The following OPCML variants were observed in gnomAD, a reference collection of about 807,000 sequenced individuals.
OPCML encodes the protein opioid-binding protein/cell adhesion molecule.
A neutral mutation model predicts 37.8 loss-of-function variants in OPCML; 13 were observed. That is an observed-to-expected ratio of 0.34 (90% CI 0.22 to 0.55). The LOEUF (loss-of-function observed/expected upper bound fraction) is 0.55, where lower values mean the gene tolerates loss of function less well. OPCML is among the 20% of genes least tolerant of loss of function. The pLI, the probability that OPCML is intolerant of heterozygous loss-of-function variation, is 0.91. For synonymous variants in OPCML, 176 were observed against 168.8 expected (o/e 1.04, Z -0.33); for missense variants, 341 against 435.6 (o/e 0.78, Z 1.93).
intron 1 of OPCML, among the ~76,000 whole-genome samples, chr11:133,033,132 C>G (rs1473977625): frequency 6.6e-6 from 1 of 152,134 alleles, no homozygotes; most frequent in East Asian, 1.9e-4. Flanking sequence ...GCTCTTTCAT[C>G]TTTTAAATTC....
At chr11:133,182,017 C>T (rs1050408350) in intron 1 of OPCML, among the ~76,000 whole-genome samples, 4 of 151,570 alleles carry the variant, frequency 2.6e-5, no homozygotes, top group Non-Finnish European at 5.9e-5. Context: ...GTCCCAAATA[C>T]ATGCTCCTTG....
chr11:133,141,107 C>CGA (rs1565469430), intron 1 of OPCML, among the ~76,000 whole-genome samples: 29 of 16,816 alleles, frequency 1.7e-3, no homozygotes, highest in Admixed American at 4.5e-3. Flanking sequence ...GAAGAAGAAG[C>CGA]AGCTGAATGC....
chr11:133,096,576 A>G (rs747386688), intron 1 of OPCML, among the ~76,000 whole-genome samples: 1 of 152,084 alleles, frequency 6.6e-6, no homozygotes, highest in Non-Finnish European at 1.5e-5. Context: ...AACATCGATT[A>G]AAACAGAGAT....
At chr11:132,990,755 T>C (rs568737190) in intron 1 of OPCML, among the ~76,000 whole-genome samples, 1 of 152,332 alleles carries the variant, frequency 6.6e-6, no homozygotes, top group Admixed American at 6.5e-5. Flanking sequence ...TTTAGTTGTG[T>C]GACCTAGAGC....
intron 1 of OPCML, among the ~76,000 whole-genome samples, chr11:133,437,674 G>T (rs137995184): frequency 0.028 from 2,215 of 78,944 alleles, 73 homozygotes; most frequent in Non-Finnish European, 0.035. Flanking sequence ...TCTCAACCCC[G>T]CTCACCTCTC....
chr11:133,008,199 C>T (rs1947148926), intron 1 of OPCML: 1 of 985,278 alleles, frequency 1.0e-6, no homozygotes, highest in African/African-American at 1.7e-5. Flanking sequence ...CCATTGGCTA[C>T]AGAATTAAGC....
chr11:133,164,644 G>A (rs1950185484), intron 1 of OPCML, among the ~76,000 whole-genome samples: 1 of 152,208 alleles, frequency 6.6e-6, no homozygotes, highest in African/African-American at 2.4e-5. Flanking sequence ...CAGAGCCCAG[G>A]AGCTGGTATG....
chr11:132,919,032 A>G (rs1325143313), intron 2 of OPCML, among the ~76,000 whole-genome samples: 1 of 152,226 alleles, frequency 6.6e-6, no homozygotes, highest in Non-Finnish European at 1.5e-5. Flanking sequence ...GGCAAGATTC[A>G]GTACATTCAC....
At chr11:133,026,188 G>T (rs1170749451) in intron 1 of OPCML, 17 of 735,944 alleles carry the variant, frequency 2.3e-5, no homozygotes, top group Non-Finnish European at 2.5e-5. Context: ...TCACGATGAA[G>T]CTTTGTAATC....
intron 1 of OPCML, among the ~76,000 whole-genome samples, chr11:132,950,051 C>T (rs1457316791): frequency 5.9e-5 from 9 of 152,148 alleles, no homozygotes; most frequent in Non-Finnish European, 5.9e-5. Flanking sequence ...AGAGGTAGCC[C>T]GCTAGCCCCA....
chr11:132,735,495 T>TG (rs1353044081), intron 2 of OPCML, among the ~76,000 whole-genome samples: 59 of 152,234 alleles, frequency 3.9e-4, no homozygotes, highest in African/African-American at 1.3e-3. Flanking sequence ...TTGTTGTTGT[T>TG]TTTTTTCTTG....
intron 2 of OPCML, among the ~76,000 whole-genome samples, chr11:132,878,083 G>A (rs574708974): frequency 5.9e-5 from 9 of 152,148 alleles, no homozygotes; most frequent in South Asian, 4.2e-4. Flanking sequence ...TCAGGAGGCC[G>A]AGGTAGGAGA....
In OPCML at chr11:132,924,952, T is replaced by C. The variant is rs541326864; in HGVS notation, c.146+17974A>G. Among the ~76,000 whole-genome samples the C allele has an allele frequency of 1.1e-3, 167 of 152,358 alleles. 2 individuals carry two copies. The highest frequency in any genetic ancestry group is 1.8e-3 in the Non-Finnish European group (122 of 68,028). ...CCCACAGTTCTTAGATTTTCTGTTC[T>C]GTTTTCTTAAGTCTTTCTCTTTGCT... On this transcript the variant is annotated intron_variant, in intron 2 of 7. Transcript: ENST00000524381.
At chr11:133,327,836 G>C in intron 1 of OPCML, among the ~76,000 whole-genome samples, 1 of 152,152 alleles carries the variant, frequency 6.6e-6, no homozygotes, top group Non-Finnish European at 1.5e-5. Flanking sequence ...GTAAAGGGGA[G>C]TCCACCTAAG....
At chr11:133,116,734 T>G (rs1949339194) in intron 1 of OPCML, among the ~76,000 whole-genome samples, 1 of 151,858 alleles carries the variant, frequency 6.6e-6, no homozygotes, top group South Asian at 2.1e-4. Context: ...AAGTTTCTAG[T>G]ATACCAAGTT....
In OPCML at chr11:133,194,197, T is replaced by A. The variant is rs781217369; in HGVS notation, c.62-251187A>T. On this transcript the variant is annotated intron_variant, in intron 1 of 7. Coordinates refer to ENST00000524381, the MANE Select transcript of OPCML (RefSeq NM_001012393.5). ...TCCTTCCCTTCCCTTCCCTTTCCCC[T>A]TCCCCCACTTTTTTTTTTTTTTTTT... Among the ~76,000 whole-genome samples, 390 of 141,304 alleles carry A rather than the reference T, an allele frequency of 2.8e-3. 2 individuals carry two copies. Among genetic ancestry groups the A allele is most frequent in the Non-Finnish European group, 4.7e-3 (307 of 65,862 alleles). 92.7% of individuals were successfully genotyped at this position (141,304 alleles called of 152,430 possible).
chr11:132,758,361 G>A (rs1946135656), intron 2 of OPCML, among the ~76,000 whole-genome samples: 1 of 152,158 alleles, frequency 6.6e-6, no homozygotes, highest in South Asian at 2.1e-4. Context: ...GTAGCTTAAG[G>A]AGAATAGTAT....
chr11:133,316,516 G>T (rs888630463), intron 1 of OPCML, among the ~76,000 whole-genome samples: 4 of 152,118 alleles, frequency 2.6e-5, no homozygotes, highest in Admixed American at 2.6e-4. Context: ...TAATGCATGC[G>T]GGGCTTAAAA....
rs562094722 is a variant in OPCML, at chr11:133,352,477, C to A, written c.61+179787G>T. ...TGAAGTACCTCAAACGCACCATCAG[C>A]AACTTTTTGTATCACTCCTCTATTT... On this transcript the variant is annotated intron_variant, in intron 1 of 7. Coordinates refer to ENST00000524381, the MANE Select transcript of OPCML (RefSeq NM_001012393.5). Among the ~76,000 whole-genome samples, 14 of 152,330 alleles carry A rather than the reference C, an allele frequency of 9.2e-5. No homozygotes were observed. The East Asian group carries it at 2.3e-3, about 25-fold the overall frequency.
Sources: allele counts gnomAD v4.1 joint callset (sites outside exome capture counted in the v4.1 genomes callset), GRCh38; gene constraint gnomAD v4.1.1; transcripts MANE v1.5; gene names NCBI Gene and HGNC (gene_info 2026-07-23, HGNC 2026-07-21).